CCBE1: variants seen among roughly 807,000 people sequenced by gnomAD.
CCBE1 encodes the protein collagen and calcium-binding EGF domain-containing protein 1.
A neutral mutation model predicts 50.0 loss-of-function variants in CCBE1; 37 were observed. That is an observed-to-expected ratio of 0.74 (90% CI 0.57 to 0.97). CCBE1 has a LOEUF of 0.97. CCBE1 is among the 50% of genes least tolerant of loss of function. CCBE1 has a pLI of 0.00. For missense variants in CCBE1, 538 were observed against 523.8 expected (o/e 1.03, Z -0.26); for synonymous variants, 234 against 203.7 (o/e 1.15, Z -1.27).
chr18:59,670,020 A>C (rs537078792), intron 2 of CCBE1, among the ~76,000 whole-genome samples: 1 of 152,286 alleles, frequency 6.6e-6, no homozygotes, highest in South Asian at 2.1e-4. Context: ...TTTCTCGTGT[A>C]AACAGCACAG....
chr18:59,529,530 C>A (rs2144349588), intron 2 of CCBE1, among the ~76,000 whole-genome samples: 1 of 152,298 alleles, frequency 6.6e-6, no homozygotes, highest in Non-Finnish European at 1.5e-5. Context: ...TTGCACAGAT[C>A]TGTGGAAAAA....
At chr18:59,614,772 C>T (rs1322370995) in intron 2 of CCBE1, among the ~76,000 whole-genome samples, 2 of 152,244 alleles carry the variant, frequency 1.3e-5, no homozygotes, top group African/African-American at 4.8e-5. Context: ...GAGCTGAGGA[C>T]GCAGTCCTCC....
intron 2 of CCBE1, among the ~76,000 whole-genome samples, chr18:59,507,322 A>G (rs2144283784): frequency 6.6e-6 from 1 of 152,206 alleles, no homozygotes; most frequent in African/African-American, 2.4e-5. Flanking sequence ...AACTGCCACT[A>G]CCTGTGTCGA....
intron 2 of CCBE1, among the ~76,000 whole-genome samples, chr18:59,607,136 T>A (rs977000053): frequency 6.6e-6 from 1 of 151,832 alleles, no homozygotes; most frequent in African/African-American, 2.4e-5. Flanking sequence ...TACTTACTCT[T>A]GAAAACAAAG....
At chr18:59,594,706 C>G (rs551309565) in intron 2 of CCBE1, among the ~76,000 whole-genome samples, 1 of 152,240 alleles carries the variant, frequency 6.6e-6, no homozygotes, top group South Asian at 2.1e-4. Flanking sequence ...TTCCTCGGTG[C>G]TACTCACTTT....
At chr18:59,448,671 G>C (rs368875037) in intron 6 of CCBE1, among the ~76,000 whole-genome samples, 10 of 152,282 alleles carry the variant, frequency 6.6e-5, no homozygotes, top group African/African-American at 2.2e-4. Context: ...GTGATCACGG[G>C]AGTCAATTCT....
At chr18:59,520,705 A>C (rs541092437) in intron 2 of CCBE1, among the ~76,000 whole-genome samples, 2 of 152,372 alleles carry the variant, frequency 1.3e-5, no homozygotes, top group African/African-American at 4.8e-5. Context: ...ATGTTTCCTG[A>C]CAGTATATCA....
chr18:59,610,997 C>T (rs2053561852), intron 2 of CCBE1, among the ~76,000 whole-genome samples: 1 of 152,240 alleles, frequency 6.6e-6, no homozygotes, highest in Middle Eastern at 3.2e-3. Flanking sequence ...ACTCAGCTTC[C>T]TGAATACTTT....
intron 2 of CCBE1, among the ~76,000 whole-genome samples, chr18:59,532,067 GTTC>G (rs2144356391): frequency 6.6e-6 from 1 of 152,186 alleles, no homozygotes; most frequent in South Asian, 2.1e-4. Flanking sequence ...TACATTTAAT[GTTC>G]TTACTTTTTT....
At position 59,579,535 on chromosome 18, in the gene CCBE1, G is replaced by A. The variant is rs188318561; in HGVS notation, c.213-99297C>T. Among the ~76,000 whole-genome samples the A allele has an allele frequency of 3.3e-5, 5 of 152,290 alleles. No individual in the cohort carries two copies. In the East Asian group the frequency reaches 9.6e-4, roughly 29 times the overall value. ...ATTGGAAACTACTATCATTATTCTG[G>A]TTCCAACCAAGGACAATTTTAATCA... On this transcript the variant is annotated intron_variant, in intron 2 of 10. Coordinates refer to ENST00000439986, the MANE Select transcript of CCBE1 (RefSeq NM_133459.4).
At chr18:59,480,315 G>GA in intron 2 of CCBE1, 77 bp from the exon 3 acceptor site, 1 of 1,121,696 alleles carries the variant, frequency 8.9e-7, no homozygotes, top group Non-Finnish European at 1.3e-6. Flanking sequence ...TTGTTTGAAT[G>GA]AAATAACTTG....
intron 2 of CCBE1, among the ~76,000 whole-genome samples, chr18:59,668,679 C>T (rs374174128): frequency 1.5e-3 from 227 of 152,216 alleles, no homozygotes; most frequent in African/African-American, 5.0e-3. Context: ...CCTCTTTGCA[C>T]ATCCTTAATT....
chr18:59,547,734 T>C (rs76545143), intron 2 of CCBE1, among the ~76,000 whole-genome samples: 6,240 of 152,230 alleles, frequency 0.041, 229 homozygotes, highest in African/African-American at 0.1. Context: ...ACAAAGGAAA[T>C]GTATGCAAAC....
intron 2 of CCBE1, among the ~76,000 whole-genome samples, chr18:59,595,948 T>A (rs1230819917): frequency 6.6e-6 from 1 of 152,218 alleles, no homozygotes; most frequent in Non-Finnish European, 1.5e-5. Flanking sequence ...TGTGCAGACT[T>A]CTTGAAAATG....
At position 59,519,348 on chromosome 18, in the gene CCBE1, G is replaced by A. The variant is rs941165634; in HGVS notation, c.213-39110C>T. On this transcript the variant is annotated intron_variant, in intron 2 of 10. Transcript: ENST00000439986. ...AAGAAGAATAAAATAAAAGAGGGGGGAGAAAATGTTTAGGTACTATGAGGT... is the reference window on the plus strand; with the variant it reads ...AAGAAGAATAAAATAAAAGAGGGGGAAGAAAATGTTTAGGTACTATGAGGT... Among the ~76,000 whole-genome samples the A allele has an allele frequency of 5.9e-5, 9 of 152,128 alleles. No homozygotes were observed. The East Asian group carries it at 7.7e-4, about 13-fold the overall frequency.
chr18:59,567,911 T>C (rs1043521835), intron 2 of CCBE1, among the ~76,000 whole-genome samples: 3 of 152,238 alleles, frequency 2.0e-5, no homozygotes, highest in Admixed American at 1.3e-4. Flanking sequence ...CCTTTCCTAA[T>C]GCTATTTTTA....
At chr18:59,661,450 G>A (rs2054284167) in intron 2 of CCBE1, among the ~76,000 whole-genome samples, 1 of 152,062 alleles carries the variant, frequency 6.6e-6, no homozygotes, top group Non-Finnish European at 1.5e-5. Context: ...TTTAATTCTT[G>A]GAACTTTAAC....
intron 2 of CCBE1, among the ~76,000 whole-genome samples, chr18:59,617,331 A>G (rs187530685): frequency 1.1e-3 from 172 of 152,350 alleles, no homozygotes; most frequent in African/African-American, 4.0e-3. Context: ...AAATCCTTAC[A>G]AATCCTAGTC....
chr18:59,455,046 T>A (rs761164201), intron 5 of CCBE1, 95 bp from the exon 6 acceptor site: 2 of 953,648 alleles, frequency 2.1e-6, no homozygotes, highest in South Asian at 1.3e-5. Flanking sequence ...AGGGACAGAG[T>A]AGCTGACAGC....
Sources: gnomAD v4.1 joint callset for allele counts (sites outside exome capture counted in the v4.1 genomes callset) on GRCh38, gnomAD v4.1.1 for gene constraint, MANE v1.5 for transcripts, NCBI Gene and HGNC (gene_info 2026-07-23, HGNC 2026-07-21) for gene names.